The following CDS1 variants were observed in gnomAD, a reference collection of about 807,000 sequenced individuals.
CDS1 encodes the protein CDP-diacylglycerol synthase 1.
A neutral mutation model predicts 62.1 loss-of-function variants in CDS1; 41 were observed. The observed-to-expected ratio is 0.66, with a 90% CI of 0.51 to 0.86. The LOEUF (loss-of-function observed/expected upper bound fraction) is 0.86. Ranked by LOEUF, CDS1 falls within the 40% of genes least tolerant of loss-of-function variation. CDS1 has a pLI of 0.00. For synonymous variants in CDS1, 185 were observed against 192.6 expected, an observed-to-expected ratio of 0.96 and a Z score of 0.32; for missense variants, 470 against 550.1, an observed-to-expected ratio of 0.85 and a Z score of 1.46.
intron 8 of CDS1, among the ~76,000 whole-genome samples, chr4:84,635,678 CCTTCCT>C: frequency 1.5e-5 from 2 of 131,950 alleles, no homozygotes; most frequent in African/African-American, 6.0e-5. Context: ...TTCCTTCCTT[CCTTCCT>C]TCCTTCCCTC....
chr4:84,610,116 G>A (rs913569586), intron 3 of CDS1, among the ~76,000 whole-genome samples: 2 of 152,080 alleles, frequency 1.3e-5, no homozygotes, highest in Non-Finnish European at 2.9e-5. Context: ...AAACATACAA[G>A]TAACCATATG....
intron 3 of CDS1, among the ~76,000 whole-genome samples, chr4:84,613,226 ATATTT>A (rs1442839278): frequency 6.6e-6 from 1 of 152,144 alleles, no homozygotes; most frequent in African/African-American, 2.4e-5. Flanking sequence ...TAGATCATTT[ATATTT>A]TGAGAAGGAC....
chr4:84,626,537 C>T (rs1013690401), intron 5 of CDS1, among the ~76,000 whole-genome samples: 2 of 152,190 alleles, frequency 1.3e-5, no homozygotes, highest in Non-Finnish European at 2.9e-5. Flanking sequence ...CCTTCTGCCT[C>T]AGACTCCTTG....
chr4:84,626,887 A>C (rs1723879489), intron 5 of CDS1, among the ~76,000 whole-genome samples: 1 of 152,174 alleles, frequency 6.6e-6, no homozygotes, highest in African/African-American at 2.4e-5. Context: ...TTTTCTTAGT[A>C]TCAGTGTTTT....
chr4:84,589,282 C>G (rs1722509931), intron 1 of CDS1, among the ~76,000 whole-genome samples: 1 of 152,200 alleles, frequency 6.6e-6, no homozygotes, highest in Non-Finnish European at 1.5e-5. Flanking sequence ...GGTTGTTCCA[C>G]TATCCATTTA....
intron 11 of CDS1, among the ~76,000 whole-genome samples, chr4:84,644,079 A>G (rs1052828921): frequency 6.6e-6 from 1 of 152,144 alleles, no homozygotes; most frequent in Non-Finnish European, 1.5e-5. Flanking sequence ...AGAGTAGGAG[A>G]TGAGACCGCA....
At position 84,623,699 on chromosome 4, in the gene CDS1, T is replaced by A. The variant is rs190463357; in HGVS notation, c.580+4166T>A. Among the ~76,000 whole-genome samples, 9 of 152,324 alleles carry A rather than the reference T, an allele frequency of 5.9e-5. 1 individual carries two copies. In the East Asian group the frequency reaches 1.7e-3, roughly 29 times the overall value. On this transcript the variant is annotated intron_variant, in intron 5 of 12. Transcript: ENST00000295887. ...AACTAGTTTTATTTTTCCCTTGGCT[T>A]AGAACAATTTGTTATTTTTGCTCAC...
intron 4 of CDS1, 54 bp downstream of exon 4, chr4:84,617,715 A>G: frequency 2.3e-6 from 2 of 858,646 alleles, no homozygotes; most frequent in Non-Finnish European, 3.8e-6. Context: ...TGAAGTTTGT[A>G]AAGGAAGCGT....
intron 2 of CDS1, among the ~76,000 whole-genome samples, chr4:84,606,853 G>T (rs1723109441): frequency 6.6e-6 from 1 of 152,024 alleles, no homozygotes; most frequent in African/African-American, 2.4e-5. Context: ...GCTAATTTTT[G>T]TATTTTTTAT....
Position 84,583,243 on chromosome 4 carries a change from C to T in CDS1, c.-159C>T, listed in dbSNP as rs148100862. 1.1e-5 allele frequency: 6 copies of T among 548,060 alleles called. No homozygotes were observed. Among genetic ancestry groups the T allele is most frequent in the East Asian group, 3.5e-5 (1 of 28,554 alleles). The allele number at this position is 548,060 out of a possible 1,614,324, so 33.9% of individuals were successfully genotyped here. A position where few individuals can be genotyped will look rare whatever the true frequency, so the allele number is the denominator to read the frequency against. On this transcript the variant is annotated 5_prime_UTR_variant, in exon 1 of 13. Transcript: ENST00000295887. ...GATGCCGTTTTGGAGGTGACCGGCG[C>T]GGCGGCCGCTCTATGGTGGGGCCGC...
At chr4:84,615,778 T>C (rs1723475170) in intron 3 of CDS1, among the ~76,000 whole-genome samples, 1 of 152,192 alleles carries the variant, frequency 6.6e-6, no homozygotes, top group African/African-American at 2.4e-5. Flanking sequence ...TCTTGAAACA[T>C]TAATTGGGCC....
intron 5 of CDS1, among the ~76,000 whole-genome samples, chr4:84,626,512 C>T (rs1723865752): frequency 6.6e-6 from 1 of 152,114 alleles, no homozygotes; most frequent in South Asian, 2.1e-4. Context: ...TCTTGAATTC[C>T]TGGACTCAAC....
At chr4:84,644,949 T>C (rs968492621) in intron 11 of CDS1, among the ~76,000 whole-genome samples, 7 of 152,188 alleles carry the variant, frequency 4.6e-5, no homozygotes, top group Non-Finnish European at 1.0e-4. Context: ...AGAAAAAGTT[T>C]TATTAACGAA....
At chr4:84,622,716 A>G (rs997760230) in intron 5 of CDS1, among the ~76,000 whole-genome samples, 7 of 152,142 alleles carry the variant, frequency 4.6e-5, no homozygotes, top group African/African-American at 1.7e-4. Flanking sequence ...GTAAACAGCA[A>G]CCCTGCACCC....
At chr4:84,602,923 TTTAA>T (rs530206978) in intron 1 of CDS1, among the ~76,000 whole-genome samples, 235 of 152,326 alleles carry the variant, frequency 1.5e-3, no homozygotes, top group African/African-American at 5.4e-3. Flanking sequence ...CGTTGACACA[TTTAA>T]TTTCGTAATT....
intron 6 of CDS1, 48 bp from the exon 7 acceptor site, chr4:84,633,809 A>T (rs1187871769): frequency 8.1e-6 from 10 of 1,229,408 alleles, no homozygotes; most frequent in Non-Finnish European, 1.0e-5. Flanking sequence ...CTTCAGCTGC[A>T]CTGATCAGTT....
intron 3 of CDS1, among the ~76,000 whole-genome samples, chr4:84,617,282 G>A (rs1418543150): frequency 2.0e-5 from 3 of 152,034 alleles, no homozygotes; most frequent in East Asian, 1.9e-4. Context: ...AGTCAACTGC[G>A]GCCAACCAGA....
At chr4:84,615,475 T>A (rs981726397) in intron 3 of CDS1, among the ~76,000 whole-genome samples, 3 of 152,002 alleles carry the variant, frequency 2.0e-5, no homozygotes, top group African/African-American at 7.2e-5. Context: ...TACCCCCACC[T>A]TTGTCTTCCA....
intron 5 of CDS1, 69 bp downstream of exon 5, chr4:84,619,602 AT>A: frequency 1.1e-6 from 1 of 938,290 alleles, no homozygotes; most frequent in Non-Finnish European, 1.5e-6. Flanking sequence ...TATTTCTGTT[AT>A]TTTAATTAGT....
Sources: gnomAD v4.1 joint callset for allele counts (sites outside exome capture counted in the v4.1 genomes callset) on GRCh38, gnomAD v4.1.1 for gene constraint, MANE v1.5 for transcripts, NCBI Gene and HGNC (gene_info 2026-07-23, HGNC 2026-07-21) for gene names.